Variants in CADM2 observed in about 807,000 individuals in gnomAD.
The protein encoded by CADM2 is cell adhesion molecule 2.
Under a neutral mutation model 49.8 loss-of-function variants are expected in CADM2, and 12 were observed. The observed-to-expected ratio is 0.24, with a 90% CI of 0.15 to 0.39. The LOEUF is 0.39. Among genes scored for constraint, CADM2 ranks in the 10% least tolerant of loss-of-function variants. The pLI is 1.00. For synonymous variants in CADM2, 214 were observed against 175.4 expected (o/e 1.22, Z -1.74); for missense variants, 378 against 492.3 (o/e 0.77, Z 2.20).
chr3:85,802,323 C>T (rs1330687402), intron 3 of CADM2, 127 bp downstream of exon 3: 2 of 786,110 alleles, frequency 2.5e-6, no homozygotes, highest in Non-Finnish European at 3.8e-6. Flanking sequence ...TGTATTTAAA[C>T]ATGTTAAATA....
chr3:85,268,751 T>C (rs2043174126), intron 1 of CADM2, among the ~76,000 whole-genome samples: 1 of 151,368 alleles, frequency 6.6e-6, no homozygotes, highest in African/African-American at 2.4e-5. Context: ...GATTTATCTC[T>C]ACCATGTTTC....
intron 8 of CADM2, among the ~76,000 whole-genome samples, chr3:86,018,195 A>G (rs1732577639): frequency 1.6e-5 from 2 of 123,158 alleles, no homozygotes; most frequent in African/African-American, 6.3e-5. Context: ...TGTCCCTACA[A>G]AGGACATGAA....
At chr3:85,826,676 A>G (rs1269233496) in intron 3 of CADM2, among the ~76,000 whole-genome samples, 1 of 151,906 alleles carries the variant, frequency 6.6e-6, no homozygotes, top group East Asian at 1.9e-4. Context: ...AACCATGGGG[A>G]ATTTCTGGAA....
intron 1 of CADM2, among the ~76,000 whole-genome samples, chr3:85,094,564 A>T (rs1239217863): frequency 6.6e-6 from 1 of 152,156 alleles, no homozygotes; most frequent in Admixed American, 6.6e-5. Flanking sequence ...CTTCCTGATT[A>T]TGAGTTGGTA....
At chr3:85,249,295 GA>G (rs1256470559) in intron 1 of CADM2, among the ~76,000 whole-genome samples, 4 of 152,140 alleles carry the variant, frequency 2.6e-5, no homozygotes, top group Admixed American at 6.6e-5. Flanking sequence ...GCTATGATCT[GA>G]AGTATTTAAA....
chr3:85,179,147 GC>G (rs2040860951), intron 1 of CADM2, among the ~76,000 whole-genome samples: 1 of 151,872 alleles, frequency 6.6e-6, no homozygotes, highest in Non-Finnish European at 1.5e-5. Flanking sequence ...TCCATATATT[GC>G]TAAGGTGTTT....
chr3:85,777,271 T>TATTATTATTATTATTATTA (rs1559649921), intron 2 of CADM2, among the ~76,000 whole-genome samples: 1 of 151,332 alleles, frequency 6.6e-6, no homozygotes, highest in Non-Finnish European at 1.5e-5. Flanking sequence ...TTATTATTAT[T>TATTATTATTATTATTATTA]TTGAGGTGGA....
chr3:85,806,788 G>A lies in CADM2; in HGVS notation c.238+4592G>A, dbSNP rs145163322. On this transcript the variant is annotated intron_variant, in intron 3 of 9. Transcript: ENST00000383699. ...CAAAACAAACAAAAAGTGAATATTC[G>A]GGAATCTCTTCCCCGGGGAGATAGG... Among the ~76,000 whole-genome samples, 12 of 152,028 alleles carry A rather than the reference G, an allele frequency of 7.9e-5. No individual in the cohort carries two copies. In the East Asian group the frequency reaches 1.9e-3, roughly 25 times the overall value.
In CADM2 at chr3:85,515,257, C is replaced by T. The variant is rs377240543; in HGVS notation, c.62-211265C>T. Among the ~76,000 whole-genome samples, 58 of 152,098 alleles carry T rather than the reference C, an allele frequency of 3.8e-4. 1 individual carries two copies. Among genetic ancestry groups the T allele is most frequent in the East Asian group, 3.5e-3 (18 of 5,180 alleles). Reference sequence around the variant, plus strand: ...TATAATTTGAGAAAGAGAATAAGATCAGTTAACAAATGTAACATCACCTTT... The same window carrying T: ...TATAATTTGAGAAAGAGAATAAGATTAGTTAACAAATGTAACATCACCTTT... On this transcript the variant is annotated intron_variant, in intron 1 of 9. Coordinates refer to ENST00000383699, the MANE Select transcript of CADM2 (RefSeq NM_001167675.2).
chr3:85,918,662 C>G (rs1718703233), intron 6 of CADM2, among the ~76,000 whole-genome samples: 1 of 151,982 alleles, frequency 6.6e-6, no homozygotes, highest in South Asian at 2.1e-4. Context: ...TCTTTTAAAA[C>G]TGAAATTTAA....
chr3:85,963,635 G>T (rs1284847526), intron 8 of CADM2, among the ~76,000 whole-genome samples: 1 of 151,876 alleles, frequency 6.6e-6, no homozygotes, highest in Non-Finnish European at 1.5e-5. Context: ...AATTAGAAGA[G>T]AAGTGACAGA....
At position 85,650,738 on chromosome 3, in the gene CADM2, G is replaced by A. The variant is rs79920516; in HGVS notation, c.62-75784G>A. Reference sequence around the variant, plus strand: ...GTTGAACACTCAAGTTTGAGAACCAGTACTCTAGTCTAAATGATATGATTA... The same window carrying A: ...GTTGAACACTCAAGTTTGAGAACCAATACTCTAGTCTAAATGATATGATTA... On this transcript the variant is annotated intron_variant, in intron 1 of 9. Coordinates refer to ENST00000383699, the MANE Select transcript of CADM2 (RefSeq NM_001167675.2). Among the ~76,000 whole-genome samples, 1,070 of 151,818 alleles carry A rather than the reference G, an allele frequency of 7.0e-3. 10 individuals carry two copies. Among genetic ancestry groups the A allele is most frequent in the Middle Eastern group, 0.02 (6 of 294 alleles).
chr3:85,285,890 T>C (rs2043622594), intron 1 of CADM2, among the ~76,000 whole-genome samples: 1 of 152,012 alleles, frequency 6.6e-6, no homozygotes, highest in African/African-American at 2.4e-5. Context: ...AAAAGAAAGT[T>C]TGAATTTCAG....
chr3:85,542,466 A>G (rs1203297390), intron 1 of CADM2, among the ~76,000 whole-genome samples: 1 of 152,154 alleles, frequency 6.6e-6, no homozygotes, highest in African/African-American at 2.4e-5. Context: ...TTTTCATCTC[A>G]TAAGATAACT....
intron 8 of CADM2, among the ~76,000 whole-genome samples, chr3:86,042,010 A>T (rs1185179571): frequency 3.3e-5 from 5 of 152,202 alleles, no homozygotes; most frequent in Admixed American, 3.3e-4. Context: ...GGCAGAAATA[A>T]AGATGTTCTT....
intron 1 of CADM2, among the ~76,000 whole-genome samples, chr3:85,270,626 T>TAAAA (rs775310775): frequency 6.6e-6 from 1 of 151,124 alleles, no homozygotes; most frequent in Admixed American, 6.6e-5. Flanking sequence ...TGTGGTGAGA[T>TAAAA]AAAAGCCTGA....
At chr3:85,855,221 A>G (rs2075261520) in intron 3 of CADM2, among the ~76,000 whole-genome samples, 1 of 152,008 alleles carries the variant, frequency 6.6e-6, no homozygotes, top group Non-Finnish European at 1.5e-5. Flanking sequence ...AAACACCCTC[A>G]CTAGAACACA....
chr3:85,745,112 G>A (rs2068561126), intron 2 of CADM2, among the ~76,000 whole-genome samples: 1 of 152,172 alleles, frequency 6.6e-6, no homozygotes, highest in Admixed American at 6.5e-5. Flanking sequence ...AAAGGAAAGA[G>A]TCAAGGGTGT....
chr3:85,573,762 G>A (rs563399443), intron 1 of CADM2, among the ~76,000 whole-genome samples: 46 of 152,102 alleles, frequency 3.0e-4, no homozygotes, highest in South Asian at 1.7e-3. Context: ...ACAAGTTTAC[G>A]TGATCTTATT....
Sources: gnomAD v4.1 joint callset for allele counts (sites outside exome capture counted in the v4.1 genomes callset) on GRCh38, gnomAD v4.1.1 for gene constraint, MANE v1.5 for transcripts, NCBI Gene and HGNC (gene_info 2026-07-23, HGNC 2026-07-21) for gene names.